CASR: variants seen among roughly 807,000 people sequenced by gnomAD.
CASR encodes the protein extracellular calcium-sensing receptor.
Under a neutral mutation model 69.1 loss-of-function variants are expected in CASR, and 23 were observed. The observed-to-expected ratio is 0.33, with a 90% CI of 0.24 to 0.47. CASR has a LOEUF of 0.47. CASR is among the 20% of genes least tolerant of loss of function. The pLI, the probability that CASR is intolerant of heterozygous loss-of-function variation, is 1.00. For missense variants in CASR, 924 were observed against 1,356.1 expected (o/e 0.68, Z 5.00); for synonymous variants, 541 against 544.7 (o/e 0.99, Z 0.10).
Position 122,284,215 on chromosome 3 carries a change from A to C in CASR, c.2261A>C (p.Gln754Pro), listed in dbSNP as rs777361297. 2 of 1,614,042 alleles carry C rather than the reference A, an allele frequency of 1.2e-6. No homozygotes were observed. Among genetic ancestry groups the C allele is most frequent in the Admixed American group, 1.7e-5 (1 of 60,010 alleles). The change falls in exon 7 of 7, where the codon CAG becomes CCG. Residue 754 changes from glutamine to proline, a missense_variant. By Grantham distance (76) the Gln-to-Pro change is moderately conservative (BLOSUM62 -1). Around this residue, in one of 8 missense-constraint regions of CASR, gnomAD observed 184 missense variants for 278.8 expected, o/e 0.66. Transcript: ENST00000639785. Reference sequence around the variant, plus strand: ...GCGCCCCCGTCAAGCTACCGCAACCAGGAGCTGGAGGATGAGATCATCTTC... The same window carrying C: ...GCGCCCCCGTCAAGCTACCGCAACCCGGAGCTGGAGGATGAGATCATCTTC... The part of the protein sequence containing the change: ...YTAPPSSYRN[Q>P]ELEDEIIFIT...
At position 122,190,595 on chromosome 3, in the gene CASR, C is replaced by T. The variant is rs140446121; in HGVS notation, c.-243+6783C>T. ...GTTAAAAGACTTATATGAGCTAATA[C>T]ACGTTGTTAAAGCTCATCAAGCATA... On this transcript the variant is annotated intron_variant, in intron 1 of 6. Transcript: ENST00000639785. 3.8e-3 allele frequency among the ~76,000 whole-genome samples: 574 copies of T among 152,304 alleles called. 3 individuals are homozygous for T. Among genetic ancestry groups the T allele is most frequent in the Middle Eastern group, 0.014 (4 of 294 alleles).
intron 1 of CASR, among the ~76,000 whole-genome samples, chr3:122,198,034 A>T (rs1413769771): frequency 1.3e-5 from 2 of 152,202 alleles, no homozygotes; most frequent in Non-Finnish European, 2.9e-5. Context: ...GAGCTTTCTG[A>T]CTGATGCTTT....
chr3:122,283,799 A>G lies in CASR; in HGVS notation c.1845A>G (p.Ala615=). 1 of 1,613,962 alleles carries G rather than the reference A, an allele frequency of 6.2e-7. No homozygotes were observed. Among genetic ancestry groups the G allele is most frequent in the East Asian group, 2.2e-5 (1 of 44,858 alleles). The stretch of plus-strand genomic sequence containing the variant: ...CGTGGACGGAGCCCTTTGGGATCGC[A>G]CTCACCCTCTTTGCCGTGCTGGGCA... The part of the protein sequence containing the change: ...FLSWTEPFGI[A]LTLFAVLGIF... Residue 615 remains alanine (A), a synonymous_variant, in exon 7 of 7, where the codon GCA becomes GCG. Coordinates refer to ENST00000639785, the MANE Select transcript of CASR (RefSeq NM_000388.4).
intron 1 of CASR, among the ~76,000 whole-genome samples, chr3:122,237,735 A>G (rs188781214): frequency 6.6e-6 from 1 of 152,226 alleles, no homozygotes; most frequent in African/African-American, 2.4e-5. Flanking sequence ...CAATATAATC[A>G]TATAAAAGGA....
intron 1 of CASR, among the ~76,000 whole-genome samples, chr3:122,230,879 G>C (rs1349506803): frequency 2.0e-5 from 3 of 152,180 alleles, no homozygotes; most frequent in African/African-American, 7.2e-5. Context: ...GCCAAAGGGG[G>C]TTTCTCTTTT....
chr3:122,249,927 A>G (rs547034057), intron 1 of CASR, among the ~76,000 whole-genome samples: 1 of 152,360 alleles, frequency 6.6e-6, no homozygotes, highest in South Asian at 2.1e-4. Context: ...GTTCTGCTCT[A>G]TGAAAAGCTT....
At chr3:122,283,089 T>C (rs1217480959) in intron 6 of CASR, among the ~76,000 whole-genome samples, 1 of 152,196 alleles carries the variant, frequency 6.6e-6, no homozygotes, top group Non-Finnish European at 1.5e-5. Flanking sequence ...GCACAGGTCA[T>C]GTGCATGGGA....
At chr3:122,273,685 G>A (rs955538735) in intron 4 of CASR, among the ~76,000 whole-genome samples, 3 of 152,166 alleles carry the variant, frequency 2.0e-5, no homozygotes, top group African/African-American at 7.2e-5. Context: ...TCCCCAGCAG[G>A]AAGTGGGAGG....
chr3:122,264,031 A>G (rs758237136), intron 4 of CASR, among the ~76,000 whole-genome samples: 1 of 151,914 alleles, frequency 6.6e-6, no homozygotes, highest in Non-Finnish European at 1.5e-5. Flanking sequence ...GAAACTTGGC[A>G]GTTCTACTCT....
intron 1 of CASR, among the ~76,000 whole-genome samples, chr3:122,242,295 CAAA>C (rs1209596130): frequency 2.0e-5 from 3 of 151,856 alleles, no homozygotes; most frequent in Non-Finnish European, 4.4e-5. Context: ...TAGACTCCAC[CAAA>C]AAAACTATTA....
chr3:122,230,303 AAAAC>A (rs2074266837), intron 1 of CASR, among the ~76,000 whole-genome samples: 5 of 152,264 alleles, frequency 3.3e-5, no homozygotes, highest in African/African-American at 4.8e-5. Context: ...AAGTCCAGGG[AAAAC>A]GCTCCTTTAG....
intron 4 of CASR, among the ~76,000 whole-genome samples, chr3:122,269,492 G>A (rs1253348420): frequency 1.3e-5 from 2 of 152,180 alleles, no homozygotes; most frequent in Non-Finnish European, 2.9e-5. Flanking sequence ...TTCTTTTGTA[G>A]TATGTTATTG....
intron 2 of CASR, among the ~76,000 whole-genome samples, chr3:122,255,174 A>C (rs191204663): frequency 1.6e-4 from 24 of 152,232 alleles, no homozygotes; most frequent in African/African-American, 5.8e-4. Context: ...CGACCCTTTT[A>C]GAATATAGTC....
In CASR at chr3:122,283,919, C is replaced by G. The variant is rs1339304346; in HGVS notation, c.1965C>G (p.Leu655=). 1.2e-6 allele frequency: 2 copies of G among 1,613,636 alleles called. No homozygotes were observed. The highest frequency in any genetic ancestry group is 1.7e-6 in the Non-Finnish European group (2 of 1,179,988). The change falls in exon 7 of 7, where the codon CTC becomes CTG. Residue 655 remains leucine (L), a synonymous_variant. Transcript: ENST00000639785. ...ACCGAGAGCTCTCCTACCTCCTCCT[C>G]TTCTCCCTGCTCTGCTGCTTCTCCA... ...ATNRELSYLL[L]FSLLCCFSSS...
chr3:122,252,722 G>A (rs556988667), intron 1 of CASR, among the ~76,000 whole-genome samples: 1 of 152,206 alleles, frequency 6.6e-6, no homozygotes, highest in South Asian at 2.1e-4. Context: ...TCCTTATTTT[G>A]TGTCTCTGTG....
rs781459531 is a variant in CASR at position 122,284,853 on chromosome 3, A to G, written c.2899A>G (p.Ile967Val). 6.2e-7 allele frequency: 1 copy of G among 1,614,218 alleles called. No individual in the cohort carries two copies. The highest frequency in any genetic ancestry group is 2.2e-5 in the East Asian group (1 of 44,886). Residue 967 changes from isoleucine to valine, a missense_variant, in exon 7 of 7, where the codon ATC becomes GTC. By Grantham distance (29) the Ile-to-Val change is conservative (BLOSUM62 3). This residue lies in a region of CASR where 201 missense variants were observed against 228.8 expected (regional missense o/e 0.88). Transcript: ENST00000639785. ...GCAGCCCAGATGCAAGCAGAAGGTC[A>G]TCTTTGGCAGCGGCACGGTCACCTT... Reference protein sequence around the residue: ...QQQPRCKQKVIFGSGTVTFSL... With the variant: ...QQQPRCKQKVVFGSGTVTFSL...
In CASR at chr3:122,275,958, C is replaced by T. The variant is rs868821997; in HGVS notation, c.1524C>T (p.Val508=). Residue 508 remains valine (V), a synonymous_variant, in exon 5 of 7, where the codon GTC becomes GTT. Coordinates refer to ENST00000639785, the MANE Select transcript of CASR (RefSeq NM_000388.4). ...ATGGCTCCATCGTGTTTAAGGAAGT[C>T]GGGTATTACAACGTCTATGCCAAGA... ...PEDGSIVFKE[V]GYYNVYAKKG... 5 of 1,613,878 alleles carry T rather than the reference C, an allele frequency of 3.1e-6. No homozygotes were observed. Among genetic ancestry groups the T allele is most frequent in the Admixed American group, 1.7e-5 (1 of 59,992 alleles).
chr3:122,229,461 AT>A (rs377156104), intron 1 of CASR, among the ~76,000 whole-genome samples: 119 of 152,360 alleles, frequency 7.8e-4, no homozygotes, highest in African/African-American at 2.5e-3. Flanking sequence ...TCCTTTCCAA[AT>A]TTAAAATTCT....
intron 1 of CASR, among the ~76,000 whole-genome samples, chr3:122,198,039 T>G (rs931723008): frequency 1.3e-5 from 2 of 152,256 alleles, no homozygotes; most frequent in African/African-American, 4.8e-5. Context: ...TTCTGACTGA[T>G]GCTTTTTTCT....
Sources: allele counts gnomAD v4.1 joint callset (sites outside exome capture counted in the v4.1 genomes callset), GRCh38; gene constraint gnomAD v4.1.1; regional missense constraint gnomAD v4.1.1; transcripts MANE v1.5; gene names NCBI Gene and HGNC (gene_info 2026-07-23, HGNC 2026-07-21).